The following SH3PXD2A variants were observed in gnomAD, a reference collection of about 807,000 sequenced individuals.
The protein encoded by SH3PXD2A is SH3 and PX domain-containing protein 2A.
In SH3PXD2A, 32 loss-of-function variants were observed where a neutral mutation model predicts 115.2. That is an observed-to-expected ratio of 0.28 (90% CI 0.21 to 0.37). The LOEUF (loss-of-function observed/expected upper bound fraction) is 0.37. Ranked by LOEUF, SH3PXD2A falls within the 10% of genes least tolerant of loss-of-function variation. The pLI is 1.00. For synonymous variants in SH3PXD2A, 610 were observed against 629.1 expected, an observed-to-expected ratio of 0.97 and a Z score of 0.45; for missense variants, 1,328 against 1,498.7, an observed-to-expected ratio of 0.89 and a Z score of 1.88.
chr10:103,774,817 G>C (rs1245581175), intron 2 of SH3PXD2A, among the ~76,000 whole-genome samples: 1 of 152,174 alleles, frequency 6.6e-6, no homozygotes, highest in Non-Finnish European at 1.5e-5. Flanking sequence ...TGTCTCCTCT[G>C]TGGATATTGT....
intron 3 of SH3PXD2A, among the ~76,000 whole-genome samples, chr10:103,748,779 TGG>T (rs1268062011): frequency 4.0e-5 from 6 of 151,290 alleles, no homozygotes; most frequent in Non-Finnish European, 5.9e-5. Flanking sequence ...GTCCCTGGGG[TGG>T]GGTTATGAAA....
At chr10:103,676,580 C>T (rs2037536721) in intron 6 of SH3PXD2A, among the ~76,000 whole-genome samples, 1 of 152,124 alleles carries the variant, frequency 6.6e-6, no homozygotes, top group African/African-American at 2.4e-5. Flanking sequence ...CCTCCCTCCA[C>T]CCTGCTGAGA....
At chr10:103,640,424 AGAAG>A (rs2036937345) in intron 8 of SH3PXD2A, among the ~76,000 whole-genome samples, 1 of 152,084 alleles carries the variant, frequency 6.6e-6, no homozygotes, top group Non-Finnish European at 1.5e-5. Flanking sequence ...ATTCGCTCTC[AGAAG>A]GAAGGGTCTC....
intron 2 of SH3PXD2A, among the ~76,000 whole-genome samples, chr10:103,782,377 C>T (rs1035921146): frequency 3.9e-5 from 6 of 152,152 alleles, no homozygotes; most frequent in African/African-American, 1.2e-4. Context: ...TCATCTAATC[C>T]TTAACAAGCA....
intron 6 of SH3PXD2A, among the ~76,000 whole-genome samples, chr10:103,678,435 C>T (rs1016024241): frequency 3.9e-5 from 6 of 152,232 alleles, no homozygotes; most frequent in Non-Finnish European, 8.8e-5. Context: ...GTGTGCGGCT[C>T]TCTGGGGAGC....
chr10:103,751,631 T>A (rs990076760), intron 3 of SH3PXD2A, among the ~76,000 whole-genome samples: 2 of 152,220 alleles, frequency 1.3e-5, no homozygotes, highest in Admixed American at 6.5e-5. Context: ...AAAATCCTCA[T>A]GGGCACAGAT....
chr10:103,743,949 G>A (rs916905579), intron 3 of SH3PXD2A, among the ~76,000 whole-genome samples: 1 of 152,216 alleles, frequency 6.6e-6, no homozygotes, highest in Non-Finnish European at 1.5e-5. Flanking sequence ...AGAGAGCATA[G>A]AGCAGAGAGG....
intron 8 of SH3PXD2A, among the ~76,000 whole-genome samples, chr10:103,642,409 C>G (rs59836256): frequency 0.016 from 2,440 of 152,276 alleles, 69 homozygotes; most frequent in African/African-American, 0.056. Flanking sequence ...TGGAAGAGAA[C>G]TGCAATGAGA....
rs776177863 is a variant in SH3PXD2A at position 103,801,287 on chromosome 10, G to A, written c.148C>T (p.Leu50=). 2.3e-5 allele frequency: 37 copies of A among 1,605,010 alleles called. No individual in the cohort carries two copies. Among genetic ancestry groups the A allele is most frequent in the Non-Finnish European group, 3.2e-5 (37 of 1,172,110 alleles). ...IYRRYSKFFD[L]QMQLLDKFPI... is the part of the protein sequence containing the mutation. ...CCGAGCTCTGACAAACTCACCTGCA[G>A]GTCAAAGAACTTGCTGTACCTCCGG... The change falls in exon 2 of 15, where the codon CTG becomes TTG. Residue 50 remains leucine, a synonymous_variant. Coordinates refer to ENST00000369774, the MANE Select transcript of SH3PXD2A (RefSeq NM_001394015.1).
At chr10:103,761,582 C>T (rs1479135366) in intron 3 of SH3PXD2A, among the ~76,000 whole-genome samples, 2 of 152,182 alleles carry the variant, frequency 1.3e-5, no homozygotes, top group African/African-American at 2.4e-5. Flanking sequence ...GTAATTACCT[C>T]GGCCACTCAA....
intron 4 of SH3PXD2A, among the ~76,000 whole-genome samples, chr10:103,728,911 G>C (rs1449137550): frequency 1.3e-5 from 1 of 79,772 alleles, no homozygotes; most frequent in Non-Finnish European, 2.4e-5. Flanking sequence ...TTTTTTTTTT[G>C]AGACAAAGTC....
chr10:103,766,936 A>G (rs2038760950), intron 3 of SH3PXD2A, among the ~76,000 whole-genome samples, 158 bp downstream of exon 3: 1 of 152,242 alleles, frequency 6.6e-6, no homozygotes, highest in African/African-American at 2.4e-5. Context: ...TGGACTTCAC[A>G]GTCTGGAGCT....
At chr10:103,825,912 C>T (rs1963712) in intron 1 of SH3PXD2A, among the ~76,000 whole-genome samples, 151,585 of 152,084 alleles carry the variant, frequency 1, 75,552 homozygotes, top group Middle Eastern at 1. Flanking sequence ...TACAGGCTCC[C>T]GCCACCACGC....
chr10:103,658,329 G>C (rs1023445219), intron 8 of SH3PXD2A, among the ~76,000 whole-genome samples: 1 of 152,238 alleles, frequency 6.6e-6, no homozygotes, highest in Non-Finnish European at 1.5e-5. Flanking sequence ...GATGGTGCTG[G>C]CTGGGGCCAT....
At chr10:103,845,267 G>A (rs1842832611) in intron 1 of SH3PXD2A, among the ~76,000 whole-genome samples, 1 of 149,884 alleles carries the variant, frequency 6.7e-6, no homozygotes, top group Non-Finnish European at 1.5e-5. Flanking sequence ...GGAAGTGGAC[G>A]TTGCAGTGAG....
intron 10 of SH3PXD2A, among the ~76,000 whole-genome samples, chr10:103,617,574 G>A (rs1263960687): frequency 1.3e-5 from 2 of 152,216 alleles, no homozygotes; most frequent in African/African-American, 4.8e-5. Context: ...GGCCCTGGGA[G>A]CAGGGAGTCG....
At chr10:103,807,868 C>T (rs1345540404) in intron 1 of SH3PXD2A, among the ~76,000 whole-genome samples, 1 of 152,182 alleles carries the variant, frequency 6.6e-6, no homozygotes. Flanking sequence ...CACGATTGAG[C>T]AGCCAGAAAA....
chr10:103,798,016 C>T (rs1002508428), intron 2 of SH3PXD2A, among the ~76,000 whole-genome samples: 2 of 152,180 alleles, frequency 1.3e-5, no homozygotes, highest in African/African-American at 4.8e-5. Flanking sequence ...GATCGCTTTG[C>T]ACGTGGTTCC....
chr10:103,744,966 G>A (rs2038484714), intron 3 of SH3PXD2A, among the ~76,000 whole-genome samples: 1 of 152,218 alleles, frequency 6.6e-6, no homozygotes, highest in Admixed American at 6.5e-5. Context: ...CAGTCCATGG[G>A]ATTTCAGTGG....
Sources: gnomAD v4.1 joint callset for allele counts (sites outside exome capture counted in the v4.1 genomes callset) on GRCh38, gnomAD v4.1.1 for gene constraint, MANE v1.5 for transcripts, NCBI Gene and HGNC (gene_info 2026-07-23, HGNC 2026-07-21) for gene names.